The following RFX5 variants were observed in gnomAD, a reference collection of about 807,000 sequenced individuals.
The protein encoded by RFX5 is DNA-binding protein RFX5.
Under a neutral mutation model 41.2 loss-of-function variants are expected in RFX5, and 30 were observed. The observed-to-expected ratio is 0.73, with a 90% CI of 0.54 to 0.99. RFX5 has a LOEUF of 0.99. Ranked by LOEUF, RFX5 falls within the 50% of genes least tolerant of loss-of-function variation. The pLI is 0.00. For synonymous variants in RFX5, 231 were observed against 291.8 expected, an observed-to-expected ratio of 0.79 and a Z score of 2.12; for missense variants, 715 against 773.6, an observed-to-expected ratio of 0.92 and a Z score of 0.90.
Position 151,342,638 on chromosome 1 carries a change from C to T in RFX5, c.1399G>A (p.Gly467Arg), listed in dbSNP as rs771929451. 9.9e-6 allele frequency: 16 copies of T among 1,614,024 alleles called. No individual in the cohort carries two copies. In the Admixed American group the frequency reaches 1.8e-4, roughly 18 times the overall value. ...CCACCTGACTTTTTTCGAGGGCGCC[C>T]CCGTTTCCTTTTGGCATCACTTGCT... ...DTASDAKRKR[G>R]RPRKKSGGSG... The change falls in exon 11 of 11, where the codon GGG becomes AGG. Residue 467 changes from glycine to arginine, a missense_variant. By Grantham distance (125) the Gly-to-Arg change is moderately radical (BLOSUM62 -2). Coordinates refer to ENST00000452671, the MANE Select transcript of RFX5 (RefSeq NM_001025603.2).
intron 4 of RFX5, chr1:151,345,577 A>C (rs910926993): frequency 8.4e-6 from 3 of 357,808 alleles, no homozygotes; most frequent in East Asian, 6.6e-5. Context: ...GCGCCACTGC[A>C]CTCCAGCCTA....
chr1:151,344,268 TGTA>T lies in RFX5; in HGVS notation c.481_483del (p.Tyr161del). On this transcript the variant is annotated inframe_deletion, in exon 8 of 11. Coordinates refer to ENST00000452671, the MANE Select transcript of RFX5 (RefSeq NM_001025603.2). ...ACCAAGGTCTTCCTCCTTATGCCAC[TGTA>T]GCAATATCTGATGCAAGTTAAAGAG... 1 of 1,614,192 alleles carries T rather than the reference TGTA, an allele frequency of 6.2e-7. No individual in the cohort carries two copies.
chr1:151,344,311 C>T (rs754413985), intron 7 of RFX5, 33 bp from the exon 8 acceptor site: 50 of 1,613,512 alleles, frequency 3.1e-5, no homozygotes, highest in East Asian at 1.6e-4. Flanking sequence ...CAACACATGG[C>T]GATCTCCAAG....
At position 151,344,537 on chromosome 1, in the gene RFX5, C is replaced by T; in HGVS notation, c.354-1G>A. 1 of 1,614,178 alleles carries T rather than the reference C, an allele frequency of 6.2e-7. No individual in the cohort carries two copies. The highest frequency in any genetic ancestry group is 1.1e-5 in the South Asian group (1 of 91,090). ...ACAGGCAAGACTCTCACAGTACTTCCTGAGTGAGAGGGGAGCAGAGTGGGA... is the reference window on the plus strand; with the variant it reads ...ACAGGCAAGACTCTCACAGTACTTCTTGAGTGAGAGGGGAGCAGAGTGGGA... On this transcript the variant is annotated splice_acceptor_variant, in intron 6 of 10. Transcript: ENST00000452671. LOFTEE classifies it high-confidence loss of function.
intron 1 of RFX5, 42 bp from the exon 2 acceptor site, chr1:151,346,648 A>C: frequency 3.1e-6 from 1 of 320,584 alleles, no homozygotes; most frequent in Non-Finnish European, 6.0e-6. Flanking sequence ...CCATGTTAGC[A>C]AGAAATTTTC....
At chr1:151,344,010 T>A in intron 8 of RFX5, 128 bp from the exon 9 acceptor site, 1 of 1,150,444 alleles carries the variant, frequency 8.7e-7, no homozygotes, top group African/African-American at 1.5e-5. Context: ...CCTCTACCTA[T>A]CCCATTGCAG....
chr1:151,341,582 T>C lies in RFX5; in HGVS notation c.*604A>G. The C allele has an allele frequency of 4.5e-6, 1 of 223,546 alleles. No individual in the cohort carries two copies. Among genetic ancestry groups the C allele is most frequent in the South Asian group, 6.1e-5 (1 of 16,526 alleles). The allele number at this position is 223,546 out of a possible 1,614,324, so 13.8% of individuals were successfully genotyped here. On this transcript the variant is annotated 3_prime_UTR_variant, in exon 11 of 11. Coordinates refer to ENST00000452671, the MANE Select transcript of RFX5 (RefSeq NM_001025603.2). ...ACATGTGACCCAGGCCTAATCAGTGTGAATATTAGGGCTTTTGCTGAGATT... is the reference window on the plus strand; with the variant it reads ...ACATGTGACCCAGGCCTAATCAGTGCGAATATTAGGGCTTTTGCTGAGATT...
In RFX5 at chr1:151,342,092, A is replaced by G; in HGVS notation, c.*94T>C. On this transcript the variant is annotated 3_prime_UTR_variant, in exon 11 of 11. Transcript: ENST00000452671. Reference sequence around the variant, plus strand: ...ACAGAGGAGAATGGACTTCCTTAGGAAAAGAATAGCCAAATGAGAAGCAAG... The same window carrying G: ...ACAGAGGAGAATGGACTTCCTTAGGGAAAGAATAGCCAAATGAGAAGCAAG... 1 of 1,575,486 alleles carries G rather than the reference A, an allele frequency of 6.3e-7. No homozygotes were observed. The highest frequency in any genetic ancestry group is 8.7e-7 in the Non-Finnish European group (1 of 1,145,854).
Position 151,342,433 on chromosome 1 carries a change from C to A in RFX5, c.1604G>T (p.Gly535Val). 1 of 1,614,148 alleles carries A rather than the reference C, an allele frequency of 6.2e-7. No individual in the cohort carries two copies. The highest frequency in any genetic ancestry group is 8.5e-7 in the Non-Finnish European group (1 of 1,180,012). Reference sequence around the variant, plus strand: ...TCCTCCTTTGGAAACAGTACCATCTCCCTGACCCTGGGCAAGTACTGCCCC... The same window carrying A: ...TCCTCCTTTGGAAACAGTACCATCTACCTGACCCTGGGCAAGTACTGCCCC... The part of the protein sequence containing the change: ...EKGAVLAQGQ[G>V]DGTVSKGGRG... The change falls in exon 11 of 11, where the codon GGA becomes GTA. Residue 535 changes from glycine (G) to valine (V), a missense_variant. Physicochemically the swap from Gly to Val is moderately radical, Grantham distance 109. Transcript: ENST00000452671.
In RFX5 at chr1:151,343,333, C is replaced by G; in HGVS notation, c.858+9G>C. 1 of 1,612,676 alleles carries G rather than the reference C, an allele frequency of 6.2e-7. No homozygotes were observed. The highest frequency in any genetic ancestry group is 8.5e-7 in the Non-Finnish European group (1 of 1,179,860). On this transcript the variant is annotated intron_variant, in intron 10 of 10. Transcript: ENST00000452671. ...AGGACAGCAAAGTCAGGGCCACTGA[C>G]TTCCTTACCTGGGCCAGTCTCTCTG...
intron 1 of RFX5, 94 bp downstream of exon 1, chr1:151,347,117 T>G (rs1651161528): frequency 6.6e-6 from 1 of 152,358 alleles, no homozygotes; most frequent in South Asian, 2.1e-4. Context: ...AATCTTTTTC[T>G]GCTCTCCTCC....
Position 151,342,059 on chromosome 1 carries a change from C to G in RFX5, c.*127G>C, listed in dbSNP as rs759846895. On this transcript the variant is annotated 3_prime_UTR_variant, in exon 11 of 11. Coordinates refer to ENST00000452671, the MANE Select transcript of RFX5 (RefSeq NM_001025603.2). ...GTACTAAGTAGACTGGGTGACTCAGCTGTCTGTACAGAGGAGAATGGACTT... is the reference window on the plus strand; with the variant it reads ...GTACTAAGTAGACTGGGTGACTCAGGTGTCTGTACAGAGGAGAATGGACTT... 1 of 1,361,100 alleles carries G rather than the reference C, an allele frequency of 7.3e-7. No homozygotes were observed. Among genetic ancestry groups the G allele is most frequent in the African/African-American group, 1.4e-5 (1 of 69,576 alleles). 84.3% of individuals were successfully genotyped at this position (1,361,100 alleles called of 1,614,324 possible). A position where few individuals can be genotyped will look rare whatever the true frequency, so the allele number is the denominator to read the frequency against.
At chr1:151,344,104 G>T in intron 8 of RFX5, 93 bp downstream of exon 8, 1 of 1,277,840 alleles carries the variant, frequency 7.8e-7, no homozygotes, top group Non-Finnish European at 1.1e-6. Flanking sequence ...TGTACATAAT[G>T]ACTGAGGCTG....
intron 8 of RFX5, 112 bp from the exon 9 acceptor site, chr1:151,343,994 G>T: frequency 8.1e-7 from 1 of 1,231,784 alleles, no homozygotes; most frequent in Non-Finnish European, 1.2e-6. Flanking sequence ...CTGGGGATGG[G>T]AGTAGCCTCT....
In RFX5 at chr1:151,341,877, T is replaced by G; in HGVS notation, c.*309A>C. Reference sequence around the variant, plus strand: ...AGTTTGAATTAGGTTTTCTGTGATTTAAAACCAAAAGATCCCTAACCTATA... The same window carrying G: ...AGTTTGAATTAGGTTTTCTGTGATTGAAAACCAAAAGATCCCTAACCTATA... On this transcript the variant is annotated 3_prime_UTR_variant, in exon 11 of 11. Transcript: ENST00000452671. 1 of 512,274 alleles carries G rather than the reference T, an allele frequency of 2.0e-6. No individual in the cohort carries two copies. Among genetic ancestry groups the G allele is most frequent in the South Asian group, 1.9e-5 (1 of 53,168 alleles). The allele number at this position is 512,274 out of a possible 1,614,324, so 31.7% of individuals were successfully genotyped here. A position where few individuals can be genotyped will look rare whatever the true frequency, so the allele number is the denominator to read the frequency against.
At chr1:151,343,596 AG>A in intron 9 of RFX5, 84 bp downstream of exon 9, 1 of 1,490,948 alleles carries the variant, frequency 6.7e-7, no homozygotes, top group Non-Finnish European at 9.2e-7. Context: ...GGCAAATCCA[AG>A]GTGTCTCTAT....
rs140885618 is a variant in RFX5 at position 151,343,099 on chromosome 1, G to C, written c.938C>G (p.Ser313Trp). ...GERKKSVVESSAPGANNLQVN... is the reference protein window; with the variant it reads ...GERKKSVVESWAPGANNLQVN... ...CTGCAGGTTATTGGCTCCTGGGGCCGAGCTCTCAACTACACTCTTCTTCCG... is the reference window on the plus strand; with the variant it reads ...CTGCAGGTTATTGGCTCCTGGGGCCCAGCTCTCAACTACACTCTTCTTCCG... The change falls in exon 11 of 11, where the codon TCG (serine) becomes TGG (tryptophan). Residue 313 changes from serine (S) to tryptophan (W), a missense_variant. By Grantham distance (177) the Ser-to-Trp change is radical (BLOSUM62 -3). Coordinates refer to ENST00000452671, the MANE Select transcript of RFX5 (RefSeq NM_001025603.2). 6.2e-7 allele frequency: 1 copy of C among 1,613,008 alleles called. No individual in the cohort carries two copies. Among genetic ancestry groups the C allele is most frequent in the Non-Finnish European group, 8.5e-7 (1 of 1,180,010 alleles).
At chr1:151,344,679 G>T in intron 6 of RFX5, 49 bp downstream of exon 6, 1 of 1,553,136 alleles carries the variant, frequency 6.4e-7, no homozygotes, top group Non-Finnish European at 8.7e-7. Context: ...GGGTGAGGGG[G>T]TCCTATGCCC....
At chr1:151,343,221 G>A (rs1388093913) in intron 10 of RFX5, 43 bp from the exon 11 acceptor site, 3 of 1,610,648 alleles carry the variant, frequency 1.9e-6, no homozygotes, top group Non-Finnish European at 2.5e-6. Context: ...TGAAGAATGA[G>A]TATTGGGGGA....
Sources: allele counts gnomAD v4.1 joint callset, GRCh38; gene constraint gnomAD v4.1.1; transcripts MANE v1.5; gene names NCBI Gene and HGNC (gene_info 2026-07-23, HGNC 2026-07-21).